The following ACTR3 variants were observed in gnomAD, a reference collection of about 807,000 sequenced individuals.
ACTR3 encodes actin-related protein 3.
A neutral mutation model predicts 56.8 loss-of-function variants in ACTR3; 12 were observed. That is an observed-to-expected ratio of 0.21 (90% CI 0.14 to 0.34). The LOEUF (loss-of-function observed/expected upper bound fraction) is 0.34, where lower values mean the gene tolerates loss of function less well. Among genes scored for constraint, ACTR3 ranks in the 10% least tolerant of loss-of-function variants. The pLI is 1.00. For synonymous variants in ACTR3, 162 were observed against 167.4 expected, an observed-to-expected ratio of 0.97 and a Z score of 0.25; for missense variants, 282 against 512.5, an observed-to-expected ratio of 0.55 and a Z score of 4.34.
chr2:113,890,518 G>T, intron 1 of ACTR3, 195 bp downstream of exon 1: 1 of 1,352,306 alleles, frequency 7.4e-7, no homozygotes, highest in Non-Finnish European at 9.6e-7. Flanking sequence ...CCTGGGACTG[G>T]GGCGGGGGCG....
chr2:113,904,535 A>G (rs897828020), intron 1 of ACTR3: 7 of 152,120 alleles, frequency 4.6e-5, no homozygotes, highest in African/African-American at 1.4e-4. Context: ...TTGGGTCTTT[A>G]TGAACTATTC....
chr2:113,905,414 G>A (rs1416986930), intron 1 of ACTR3, among the ~76,000 whole-genome samples: 1 of 150,394 alleles, frequency 6.6e-6, no homozygotes, highest in Non-Finnish European at 1.5e-5. Context: ...GCAGTGAGCC[G>A]AGATGGCGCC....
At chr2:113,934,204 T>G (rs1160342270) in intron 5 of ACTR3, 75 bp from the exon 6 acceptor site, 1 of 967,970 alleles carries the variant, frequency 1.0e-6, no homozygotes, top group Admixed American at 2.4e-5. Flanking sequence ...ACTAGTTTTT[T>G]TTTTTTCGAT....
chr2:113,910,684 C>G (rs914813828), intron 1 of ACTR3, among the ~76,000 whole-genome samples: 3 of 152,168 alleles, frequency 2.0e-5, no homozygotes, highest in African/African-American at 7.2e-5. Flanking sequence ...GGGAGAAACC[C>G]TCCACACATT....
At chr2:113,904,957 C>T (rs559540150) in intron 1 of ACTR3, 1 of 152,220 alleles carries the variant, frequency 6.6e-6, no homozygotes, top group Admixed American at 6.5e-5. Context: ...GAGATTATAT[C>T]TGTCTAGATA....
At chr2:113,929,971 G>A (rs764995028) in intron 4 of ACTR3, among the ~76,000 whole-genome samples, 1 of 152,142 alleles carries the variant, frequency 6.6e-6, no homozygotes, top group Non-Finnish European at 1.5e-5. Flanking sequence ...GAGCCACTGC[G>A]CTGCTAGCTT....
At chr2:113,926,628 C>T (rs1401153066) in intron 3 of ACTR3, among the ~76,000 whole-genome samples, 1 of 152,180 alleles carries the variant, frequency 6.6e-6, no homozygotes, top group Non-Finnish European at 1.5e-5. Context: ...GGGACAACTT[C>T]ACTTTGTAAC....
In ACTR3 at chr2:113,960,030, A is replaced by G. The variant is rs1680298113; in HGVS notation, c.*2575A>G. 1 of 152,060 alleles carries G rather than the reference A, an allele frequency of 6.6e-6. No individual in the cohort carries two copies. The highest frequency in any genetic ancestry group is 2.1e-4 in the South Asian group (1 of 4,828). The allele number at this position is 152,060 out of a possible 1,614,324, so 9.4% of individuals were successfully genotyped here. On this transcript the variant is annotated 3_prime_UTR_variant, in exon 12 of 12. Transcript: ENST00000263238. ...GAGTTGTTAGAATATAATGTAGCTT[A>G]TTAATAGCAATATTAGCAGTGTAGT...
chr2:113,928,409 G>GT (rs1679658014), intron 4 of ACTR3, among the ~76,000 whole-genome samples: 1 of 152,110 alleles, frequency 6.6e-6, no homozygotes, highest in Non-Finnish European at 1.5e-5. Context: ...ACTTTAGCAC[G>GT]TATTTCATCA....
intron 6 of ACTR3, among the ~76,000 whole-genome samples, chr2:113,939,330 T>C (rs972868104): frequency 6.6e-6 from 1 of 152,324 alleles, no homozygotes; most frequent in East Asian, 1.9e-4. Context: ...CCGAAAACCT[T>C]TATTTCTTAT....
chr2:113,903,776 G>T (rs922272615), intron 1 of ACTR3, among the ~76,000 whole-genome samples: 9 of 151,942 alleles, frequency 5.9e-5, no homozygotes, highest in African/African-American at 2.2e-4. Context: ...TTACAGGCGT[G>T]AGCCACCCCG....
chr2:113,913,386 T>A (rs1246686817), intron 2 of ACTR3, among the ~76,000 whole-genome samples, 159 bp downstream of exon 2: 1 of 151,482 alleles, frequency 6.6e-6, no homozygotes, highest in East Asian at 1.9e-4. Context: ...TTTGTATGTC[T>A]GACTATTCAT....
intron 1 of ACTR3, among the ~76,000 whole-genome samples, chr2:113,903,084 A>T (rs1679131323): frequency 6.6e-6 from 1 of 152,238 alleles, no homozygotes; most frequent in Non-Finnish European, 1.5e-5. Context: ...AGCTTAGATC[A>T]CTAGTACTTA....
rs1369059911 is a variant in ACTR3, at chr2:113,958,063, C to G, written c.*608C>G. ...ACTAAGAGCTAGTATCTTGGATTAA[C>G]TGATGCCTGCTAGTGCTTTCTGATT... On this transcript the variant is annotated 3_prime_UTR_variant, in exon 12 of 12. Transcript: ENST00000263238. 1 of 152,468 alleles carries G rather than the reference C, an allele frequency of 6.6e-6. No individual in the cohort carries two copies. Among genetic ancestry groups the G allele is most frequent in the African/African-American group, 2.4e-5 (1 of 41,428 alleles). The allele number at this position is 152,468 out of a possible 1,614,324, so 9.4% of individuals were successfully genotyped here.
chr2:113,923,925 G>A (rs1478864605), intron 3 of ACTR3, among the ~76,000 whole-genome samples: 2 of 151,786 alleles, frequency 1.3e-5, no homozygotes, highest in Non-Finnish European at 2.9e-5. Flanking sequence ...AAAACAAAAC[G>A]TATTATATAT....
At chr2:113,900,162 T>A (rs1045511075) in intron 1 of ACTR3, among the ~76,000 whole-genome samples, 1 of 152,196 alleles carries the variant, frequency 6.6e-6, no homozygotes, top group Non-Finnish European at 1.5e-5. Flanking sequence ...GTCACAAGGT[T>A]GTGCAACTAT....
intron 1 of ACTR3, 184 bp downstream of exon 1, chr2:113,890,507 T>A: frequency 7.5e-7 from 1 of 1,337,310 alleles, no homozygotes; most frequent in Non-Finnish European, 9.8e-7. Context: ...CGTTTCTCCC[T>A]CCTGGGACTG....
chr2:113,936,684 C>T (rs1182503945), intron 6 of ACTR3, among the ~76,000 whole-genome samples: 5 of 152,022 alleles, frequency 3.3e-5, no homozygotes, highest in East Asian at 1.9e-4. Context: ...CTAGAACTAC[C>T]GTAATAAAGT....
At chr2:113,956,121 G>T (rs1406432604) in intron 11 of ACTR3, among the ~76,000 whole-genome samples, 1 of 151,626 alleles carries the variant, frequency 6.6e-6, no homozygotes, top group Admixed American at 6.6e-5. Flanking sequence ...CAAACTCTTG[G>T]GCTCAAGTGA....
Sources: gnomAD v4.1 joint callset for allele counts (sites outside exome capture counted in the v4.1 genomes callset) on GRCh38, gnomAD v4.1.1 for gene constraint, MANE v1.5 for transcripts, NCBI Gene and HGNC (gene_info 2026-07-23, HGNC 2026-07-21) for gene names.